MEF2A: variants seen among roughly 807,000 people sequenced by gnomAD.
MEF2A encodes the protein myocyte-specific enhancer factor 2A.
Under a neutral mutation model 55.8 loss-of-function variants are expected in MEF2A, and 28 were observed. The observed-to-expected ratio is 0.50, with a 90% CI of 0.37 to 0.69. The LOEUF (loss-of-function observed/expected upper bound fraction) is 0.69, where lower values mean the gene tolerates loss of function less well. Among genes scored for constraint, MEF2A ranks in the 30% least tolerant of loss-of-function variants. The pLI, the probability that MEF2A is intolerant of heterozygous loss-of-function variation, is 0.00. For missense variants in MEF2A, 528 were observed against 626.2 expected (o/e 0.84, Z 1.67); for synonymous variants, 239 against 227.1 (o/e 1.05, Z -0.47).
intron 2 of MEF2A, among the ~76,000 whole-genome samples, chr15:99,601,831 G>T (rs1349760776): frequency 8.1e-6 from 1 of 123,518 alleles, no homozygotes; most frequent in African/African-American, 2.6e-5. Flanking sequence ...GTGTGTGTGT[G>T]TGTGTGTGTG....
intron 1 of MEF2A, among the ~76,000 whole-genome samples, chr15:99,569,749 G>A (rs895376925): frequency 6.6e-6 from 1 of 152,084 alleles, no homozygotes; most frequent in Admixed American, 6.5e-5. Flanking sequence ...CTGAAGAAAA[G>A]TTTTTAAATA....
intron 1 of MEF2A, among the ~76,000 whole-genome samples, chr15:99,571,777 A>G (rs1962421993): frequency 6.6e-6 from 1 of 151,980 alleles, no homozygotes; most frequent in Non-Finnish European, 1.5e-5. Flanking sequence ...GGCATTCCCC[A>G]TATCCATAAA....
intron 8 of MEF2A, among the ~76,000 whole-genome samples, chr15:99,698,588 T>G (rs1176777117): frequency 6.6e-6 from 1 of 151,620 alleles, no homozygotes; most frequent in African/African-American, 2.4e-5. Context: ...AGGTTGGGAG[T>G]TCGAGACCAG....
intron 7 of MEF2A, among the ~76,000 whole-genome samples, chr15:99,683,138 A>T (rs1044990441): frequency 4.9e-4 from 75 of 152,306 alleles, no homozygotes; most frequent in Middle Eastern, 6.8e-3. Flanking sequence ...GTTGTTTTTT[A>T]AACTGCACTG....
intron 2 of MEF2A, among the ~76,000 whole-genome samples, chr15:99,606,618 G>GA (rs1047226279): frequency 1.3e-5 from 2 of 151,604 alleles, no homozygotes; most frequent in Non-Finnish European, 2.9e-5. Flanking sequence ...AAGAAACGTG[G>GA]AAAAAAAAGT....
At chr15:99,651,627 C>G (rs1458024451) in intron 4 of MEF2A, among the ~76,000 whole-genome samples, 2 of 152,218 alleles carry the variant, frequency 1.3e-5, no homozygotes, top group Non-Finnish European at 2.9e-5. Context: ...GTCCTCATGG[C>G]TCTCCTCCGC....
At chr15:99,598,690 G>T (rs542547556) in intron 2 of MEF2A, among the ~76,000 whole-genome samples, 179 bp downstream of exon 2, 1 of 152,070 alleles carries the variant, frequency 6.6e-6, no homozygotes, top group South Asian at 2.1e-4. Flanking sequence ...GTAATATTGT[G>T]TAGTGGCAGT....
intron 1 of MEF2A, among the ~76,000 whole-genome samples, chr15:99,575,138 A>G (rs1963869437): frequency 6.6e-6 from 1 of 152,116 alleles, no homozygotes; most frequent in South Asian, 2.1e-4. Context: ...TAAATACTTC[A>G]ACTGATATCT....
chr15:99,700,384 C>T (rs556030045), intron 8 of MEF2A, among the ~76,000 whole-genome samples: 16 of 151,462 alleles, frequency 1.1e-4, no homozygotes, highest in African/African-American at 3.4e-4. Flanking sequence ...TGGTAGGATG[C>T]CCCCATAGTC....
intron 2 of MEF2A, among the ~76,000 whole-genome samples, chr15:99,606,936 A>G (rs1207880257): frequency 6.6e-6 from 1 of 152,224 alleles, no homozygotes; most frequent in Non-Finnish European, 1.5e-5. Flanking sequence ...ATAGTTGGCT[A>G]CATAAATAAA....
intron 4 of MEF2A, among the ~76,000 whole-genome samples, chr15:99,663,251 T>G (rs1193441862): frequency 6.6e-6 from 1 of 152,194 alleles, no homozygotes; most frequent in Non-Finnish European, 1.5e-5. Flanking sequence ...CCCATATGCT[T>G]TAAATATTTA....
chr15:99,710,781 C>T (rs1049805400), intron 11 of MEF2A, 21 bp downstream of exon 11: 10 of 1,589,158 alleles, frequency 6.3e-6, no homozygotes, highest in Non-Finnish European at 8.6e-6. Context: ...AGAAGTTTTC[C>T]CTGCATCTTT....
intron 1 of MEF2A, among the ~76,000 whole-genome samples, chr15:99,569,975 G>T (rs538216300): frequency 6.6e-6 from 1 of 151,220 alleles, no homozygotes; most frequent in Non-Finnish European, 1.5e-5. Flanking sequence ...GATATAGGTT[G>T]GTACTTATTT....
At chr15:99,682,630 CACTT>C (rs2053457029) in intron 7 of MEF2A, among the ~76,000 whole-genome samples, 1 of 152,178 alleles carries the variant, frequency 6.6e-6, no homozygotes, top group Non-Finnish European at 1.5e-5. Context: ...AGTTACCAAA[CACTT>C]ACATCATCCT....
chr15:99,699,265 G>C (rs1441221383), intron 8 of MEF2A, among the ~76,000 whole-genome samples: 1 of 152,144 alleles, frequency 6.6e-6, no homozygotes, highest in Non-Finnish European at 1.5e-5. Flanking sequence ...GCAATAAACT[G>C]TTTATTCACC....
At chr15:99,678,592 G>A (rs1056878673) in intron 7 of MEF2A, 63 of 913,172 alleles carry the variant, frequency 6.9e-5, no homozygotes, top group South Asian at 5.1e-4. Context: ...TGCCTTGTTC[G>A]TATTTTAATT....
chr15:99,712,925 G>T lies in MEF2A; in HGVS notation c.*154G>T. 1 of 868,512 alleles carries T rather than the reference G, an allele frequency of 1.2e-6. No homozygotes were observed. The highest frequency in any genetic ancestry group is 1.7e-6 in the Non-Finnish European group (1 of 575,820). The allele number at this position is 868,512 out of a possible 1,614,324, so 53.8% of individuals were successfully genotyped here. A position where few individuals can be genotyped will look rare whatever the true frequency, so the allele number is the denominator to read the frequency against. ...TATGTATGTGGGTGTGAGTGTGTAT[G>T]TGTGGGTGTGTGTTACATACACAGA... On this transcript the variant is annotated 3_prime_UTR_variant, in exon 12 of 12. Transcript: ENST00000557942. This position sits in a 1 kb window ranked among gnomAD's most constrained non-coding sequence, Gnocchi z 4.1.
At chr15:99,631,010 C>T (rs926814565) in intron 2 of MEF2A, among the ~76,000 whole-genome samples, 7 of 152,260 alleles carry the variant, frequency 4.6e-5, no homozygotes, top group East Asian at 1.9e-4. Flanking sequence ...TCCAGATCTC[C>T]GCCCTGCAGA....
intron 4 of MEF2A, among the ~76,000 whole-genome samples, chr15:99,661,935 A>G (rs2048714782): frequency 6.6e-6 from 1 of 152,196 alleles, no homozygotes. Context: ...CATGTAATAC[A>G]GTATTTAGTG....
Sources: gnomAD v4.1 joint callset for allele counts (sites outside exome capture counted in the v4.1 genomes callset) on GRCh38, gnomAD v4.1.1 for gene constraint, Gnocchi (gnomAD v3.1) non-coding constraint, MANE v1.5 for transcripts, NCBI Gene and HGNC (gene_info 2026-07-23, HGNC 2026-07-21) for gene names.